Variants in DNM3 observed in about 807,000 individuals in gnomAD.
DNM3 encodes the protein dynamin 3.
DNM3 carries 47 observed loss-of-function variants against 101.6 expected under a neutral mutation model. The observed-to-expected ratio is 0.46, with a 90% CI of 0.37 to 0.59. The LOEUF (loss-of-function observed/expected upper bound fraction) is 0.59. Among genes scored for constraint, DNM3 ranks in the 20% least tolerant of loss-of-function variants. The pLI, the probability that DNM3 is intolerant of heterozygous loss-of-function variation, is 0.00. For synonymous variants in DNM3, 385 were observed against 387.9 expected (o/e 0.99, Z 0.09); for missense variants, 849 against 1,085.7 (o/e 0.78, Z 3.06).
chr1:171,842,971 T>G (rs939387776), intron 1 of DNM3, among the ~76,000 whole-genome samples: 1 of 152,208 alleles, frequency 6.6e-6, no homozygotes, highest in South Asian at 2.1e-4. Flanking sequence ...CTGGCGAGAT[T>G]GTACTTTATT....
At chr1:172,368,397 A>G (rs540978278) in intron 17 of DNM3, among the ~76,000 whole-genome samples, 38 of 152,092 alleles carry the variant, frequency 2.5e-4, no homozygotes, top group African/African-American at 9.1e-4. Flanking sequence ...TAAGAAATTA[A>G]GAAGTACATT....
intron 14 of DNM3, among the ~76,000 whole-genome samples, chr1:172,202,401 T>G (rs1198598861): frequency 6.6e-6 from 1 of 152,192 alleles, no homozygotes; most frequent in Non-Finnish European, 1.5e-5. Flanking sequence ...CTAGGCCTAT[T>G]GAGATTATCT....
At chr1:172,265,306 G>A (rs2062816811) in intron 15 of DNM3, among the ~76,000 whole-genome samples, 2 of 151,982 alleles carry the variant, frequency 1.3e-5, no homozygotes, top group African/African-American at 2.4e-5. Context: ...TACAAGCCAG[G>A]TGACCAGATT....
At chr1:172,395,372 T>C (rs748267290) in intron 20 of DNM3, among the ~76,000 whole-genome samples, 7 of 152,082 alleles carry the variant, frequency 4.6e-5, no homozygotes, top group Admixed American at 1.3e-4. Flanking sequence ...GGTTTCACCA[T>C]GTTGCCCAGG....
chr1:172,009,620 A>G (rs191865739), intron 4 of DNM3, among the ~76,000 whole-genome samples: 7 of 151,978 alleles, frequency 4.6e-5, no homozygotes, highest in Admixed American at 1.3e-4. Context: ...GTACATTTCC[A>G]TTATTGCAGT....
intron 13 of DNM3, among the ~76,000 whole-genome samples, chr1:172,111,631 G>A (rs368083995): frequency 2.0e-5 from 3 of 152,190 alleles, no homozygotes; most frequent in Non-Finnish European, 4.4e-5. Flanking sequence ...TGCTTTGAAC[G>A]AATAAGCTGT....
intron 2 of DNM3, among the ~76,000 whole-genome samples, chr1:171,942,718 T>G (rs1293942974): frequency 6.6e-6 from 1 of 152,154 alleles, no homozygotes; most frequent in East Asian, 1.9e-4. Context: ...GAGTACTGGA[T>G]TGCAGTTTTA....
At chr1:171,888,280 G>A (rs930052777) in intron 1 of DNM3, among the ~76,000 whole-genome samples, 1 of 152,068 alleles carries the variant, frequency 6.6e-6, no homozygotes, top group Admixed American at 6.6e-5. Flanking sequence ...GGATAGTGGA[G>A]CTGGGAATAA....
intron 17 of DNM3, among the ~76,000 whole-genome samples, chr1:172,359,125 A>AACACACACACACACACACACACACAC (rs10683483): frequency 2.7e-5 from 4 of 145,704 alleles, no homozygotes; most frequent in African/African-American, 1.0e-4. Context: ...ACTCCCACAA[A>AACACACACACACACACACACACACAC]ACACACACAC....
intron 12 of DNM3, among the ~76,000 whole-genome samples, chr1:172,083,837 A>G (rs1407362019): frequency 6.6e-6 from 1 of 152,130 alleles, no homozygotes; most frequent in Non-Finnish European, 1.5e-5. Context: ...TGATTTTTCA[A>G]ATTTAAGACT....
chr1:172,099,736 A>C (rs1441189472), intron 13 of DNM3, among the ~76,000 whole-genome samples: 1 of 152,224 alleles, frequency 6.6e-6, no homozygotes, highest in Non-Finnish European at 1.5e-5. Context: ...TTGTACTTGA[A>C]AGTTTAAGAG....
At chr1:171,873,468 G>A (rs1478328477) in intron 1 of DNM3, among the ~76,000 whole-genome samples, 1 of 152,066 alleles carries the variant, frequency 6.6e-6, no homozygotes, top group Non-Finnish European at 1.5e-5. Flanking sequence ...CTGGGGAGAT[G>A]GATAAGCAAT....
intron 1 of DNM3, among the ~76,000 whole-genome samples, chr1:171,875,462 G>A (rs184338758): frequency 4.5e-4 from 69 of 152,278 alleles, no homozygotes; most frequent in African/African-American, 1.5e-3. Flanking sequence ...TTTAAGATGA[G>A]TTGGAATATA....
intron 15 of DNM3, among the ~76,000 whole-genome samples, chr1:172,305,720 G>A (rs1446884341): frequency 1.3e-5 from 2 of 152,174 alleles, no homozygotes; most frequent in African/African-American, 4.8e-5. Flanking sequence ...ATGCAAGGCT[G>A]GTTCAACATA....
At chr1:172,018,109 T>G (rs764596983) in intron 4 of DNM3, among the ~76,000 whole-genome samples, 1 of 152,180 alleles carries the variant, frequency 6.6e-6, no homozygotes, top group Non-Finnish European at 1.5e-5. Flanking sequence ...GTGAATTTTT[T>G]GTAGATAATA....
intron 10 of DNM3, among the ~76,000 whole-genome samples, chr1:172,067,531 G>A (rs1384080548): frequency 2.6e-5 from 4 of 151,744 alleles, no homozygotes; most frequent in Admixed American, 2.6e-4. Context: ...TACTTTTATC[G>A]CCACTAATTG....
chr1:172,262,218 T>C (rs1464159781), intron 15 of DNM3, among the ~76,000 whole-genome samples: 2 of 152,026 alleles, frequency 1.3e-5, no homozygotes, highest in Non-Finnish European at 2.9e-5. Flanking sequence ...GTGGTGGTTG[T>C]GGGCAGTGGC....
chr1:172,318,999 T>C (rs891836757), intron 16 of DNM3, among the ~76,000 whole-genome samples: 3 of 151,792 alleles, frequency 2.0e-5, no homozygotes, highest in African/African-American at 4.8e-5. Context: ...ACTACAAGGC[T>C]ACAGTAACCA....
At chr1:172,256,703 G>T (rs2062413397) in intron 15 of DNM3, among the ~76,000 whole-genome samples, 1 of 151,172 alleles carries the variant, frequency 6.6e-6, no homozygotes, top group Non-Finnish European at 1.5e-5. Flanking sequence ...TTCCTTCCTT[G>T]TATTTTCTTG....
Sources: gnomAD v4.1 joint callset for allele counts (sites outside exome capture counted in the v4.1 genomes callset) on GRCh38, gnomAD v4.1.1 for gene constraint, MANE v1.5 for transcripts, NCBI Gene and HGNC (gene_info 2026-07-23, HGNC 2026-07-21) for gene names.